The following SMPX variants were observed in gnomAD, a reference collection of about 807,000 sequenced individuals.
SMPX encodes the protein small muscle protein X-linked, also known as small muscular protein.
SMPX carries 2 observed loss-of-function variants against 6.3 expected under a neutral mutation model. The ratio of observed to expected loss-of-function variants is 0.32; its 90% CI spans 0.13 to 0.99. The LOEUF is 0.99. Among genes scored for constraint, SMPX ranks in the 50% least tolerant of loss-of-function variants. The probability of loss-of-function intolerance (pLI) is 0.49; values close to 1 mark genes in which losing one functional copy is unlikely to be tolerated. For synonymous variants in SMPX, 32 were observed against 24.7 expected, an observed-to-expected ratio of 1.30 and a Z score of -0.88; for missense variants, 60 against 66.8, an observed-to-expected ratio of 0.90 and a Z score of 0.36.
At chrX:21,745,949 G>A (rs1330577171) in intron 2 of SMPX, among the ~76,000 whole-genome samples, 1 of 111,693 alleles carries the variant, frequency 9.0e-6, no homozygotes, top group African/African-American at 3.3e-5. Flanking sequence ...TTTCCTGTTC[G>A]GAGATTAATT....
chrX:21,749,213 TATG>T (rs1453255672), intron 2 of SMPX, among the ~76,000 whole-genome samples: 4 of 112,590 alleles, frequency 3.6e-5, no homozygotes, highest in African/African-American at 1.3e-4. Context: ...TTTTCAAATG[TATG>T]ATAAGTTAGA....
At chrX:21,752,515 G>GT in intron 2 of SMPX, among the ~76,000 whole-genome samples, 1 of 110,389 alleles carries the variant, frequency 9.1e-6, no homozygotes, top group African/African-American at 3.3e-5. Context: ...TTGTTTGTTT[G>GT]TTTTTTGGTT....
chrX:21,752,023 G>C (rs1423139442), intron 2 of SMPX, among the ~76,000 whole-genome samples: 1 of 112,163 alleles, frequency 8.9e-6, no homozygotes, highest in African/African-American at 3.2e-5. Context: ...GCATTAAATT[G>C]GGCCTTTTGT....
At chrX:21,718,091 G>C (rs2092787308) in intron 4 of SMPX, among the ~76,000 whole-genome samples, 2 of 112,046 alleles carry the variant, frequency 1.8e-5, no homozygotes, top group South Asian at 7.5e-4. Context: ...CCATTTTGTG[G>C]GGTTTGGTTT....
chrX:21,731,830 T>TTTTA (rs1305473992), intron 4 of SMPX, among the ~76,000 whole-genome samples: 6 of 99,022 alleles, frequency 6.1e-5, no homozygotes, highest in African/African-American at 2.2e-4. Context: ...TATATACACA[T>TTTTA]TATATATATA....
At chrX:21,739,039 T>G (rs189280955) in intron 3 of SMPX, among the ~76,000 whole-genome samples, 11 of 110,821 alleles carry the variant, frequency 9.9e-5, no homozygotes, top group Non-Finnish European at 1.7e-4. Flanking sequence ...GGAAAAGAAA[T>G]AAGTAACTGC....
chrX:21,714,683 G>A lies in SMPX; in HGVS notation c.*15-8289C>T, dbSNP rs545025573. 1.3e-4 allele frequency among the ~76,000 whole-genome samples: 15 copies of A among 111,793 alleles called. No homozygotes were observed. The South Asian group carries it at 5.2e-3, about 39-fold the overall frequency. ...GAGATTGTGCATATGTCTTTTTCAC[G>A]ATCACTTTCCTATTCATCTTTGTGG... On this transcript the variant is annotated intron_variant, in intron 4 of 4. Coordinates refer to ENST00000379494, the MANE Select transcript of SMPX (RefSeq NM_014332.3).
intron 4 of SMPX, among the ~76,000 whole-genome samples, chrX:21,727,975 A>C (rs916263259): frequency 8.0e-5 from 9 of 111,943 alleles, no homozygotes; most frequent in African/African-American, 2.9e-4. Flanking sequence ...ACACAGCGTG[A>C]GAGGGAATGA....
chrX:21,706,835 C>T (rs776395901), intron 4 of SMPX, among the ~76,000 whole-genome samples: 5 of 110,086 alleles, frequency 4.5e-5, no homozygotes, highest in South Asian at 4.0e-4. Context: ...GGCTTTCCCC[C>T]GTTTTGCTCT....
At chrX:21,711,784 A>C (rs969831463) in intron 4 of SMPX, among the ~76,000 whole-genome samples, 1 of 112,084 alleles carries the variant, frequency 8.9e-6, no homozygotes, top group South Asian at 3.7e-4. Context: ...GTGCTAAATC[A>C]TAGAGCCATA....
At chrX:21,740,516 C>T (rs2092814908) in intron 3 of SMPX, among the ~76,000 whole-genome samples, 1 of 112,240 alleles carries the variant, frequency 8.9e-6, no homozygotes, top group Admixed American at 9.4e-5. Context: ...TTTCATCTCC[C>T]TCATTATTGC....
At chrX:21,745,515 T>C (rs1325470144) in intron 2 of SMPX, among the ~76,000 whole-genome samples, 2 of 112,076 alleles carry the variant, frequency 1.8e-5, no homozygotes, top group Non-Finnish European at 3.8e-5. Context: ...AATAATGGTA[T>C]TTTACAATTG....
chrX:21,740,385 TCAGCCACAG>T (rs1002396387), intron 3 of SMPX, among the ~76,000 whole-genome samples: 1 of 112,341 alleles, frequency 8.9e-6, no homozygotes, highest in African/African-American at 3.2e-5. Flanking sequence ...AGAAGGCTTA[TCAGCCACAG>T]CAGCATTCTC....
chrX:21,739,261 C>T (rs1379112797), intron 3 of SMPX, among the ~76,000 whole-genome samples: 2 of 112,006 alleles, frequency 1.8e-5, no homozygotes, highest in Non-Finnish European at 3.8e-5. Flanking sequence ...TAACAAATTA[C>T]TTAGTAGTCA....
intron 1 of SMPX, among the ~76,000 whole-genome samples, chrX:21,756,287 A>G (rs1173766117): frequency 1.8e-5 from 2 of 112,355 alleles, no homozygotes; most frequent in East Asian, 5.5e-4. Context: ...TCAATGAATG[A>G]TTGTTATACT....
Position 21,758,032 on chromosome X carries a change from G to A in SMPX, c.-103C>T, listed in dbSNP as rs1301418010. 6 of 327,622 alleles carry A rather than the reference G, an allele frequency of 1.8e-5. No individual in the cohort carries two copies. The highest frequency in any genetic ancestry group is 2.9e-5 in the Non-Finnish European group (5 of 169,741). 27.0% of individuals were successfully genotyped at this position (327,622 alleles called of 1,213,427 possible). A position where few individuals can be genotyped will look rare whatever the true frequency, so the allele number is the denominator to read the frequency against. On this transcript the variant is annotated 5_prime_UTR_variant, in exon 1 of 5. Coordinates refer to ENST00000379494, the MANE Select transcript of SMPX (RefSeq NM_014332.3). ...TCCTTGGAAGGTGGAAGGGGCGCCC[G>A]GTGTCCTCTGAGCTGCGATCTCAAT...
At chrX:21,754,200 A>G in intron 2 of SMPX, 46 bp downstream of exon 2, 2 of 1,117,606 alleles carry the variant, frequency 1.8e-6, no homozygotes, top group Non-Finnish European at 1.2e-6. Flanking sequence ...ATCGCCAGAA[A>G]TATGACTTAT....
At chrX:21,721,735 C>T (rs2092791923) in intron 4 of SMPX, among the ~76,000 whole-genome samples, 4 of 112,396 alleles carry the variant, frequency 3.6e-5, no homozygotes, top group Admixed American at 9.4e-5. Flanking sequence ...CAGCGTTTTG[C>T]TGCTGCCTGA....
At chrX:21,727,378 C>G (rs1219275658) in intron 4 of SMPX, 1 of 111,904 alleles carries the variant, frequency 8.9e-6, no homozygotes, top group East Asian at 2.8e-4. Context: ...AGCCATGATT[C>G]TTATCATCTG....
Sources: allele counts gnomAD v4.1 joint callset (sites outside exome capture counted in the v4.1 genomes callset), GRCh38; gene constraint gnomAD v4.1.1; transcripts MANE v1.5; gene names NCBI Gene and HGNC (gene_info 2026-07-23, HGNC 2026-07-21).